The following FSTL5 variants were observed in gnomAD, a reference collection of about 807,000 sequenced individuals.
FSTL5 encodes the protein follistatin like 5.
A neutral mutation model predicts 89.1 loss-of-function variants in FSTL5; 62 were observed. That is an observed-to-expected ratio of 0.70 (90% CI 0.57 to 0.86). FSTL5 has a LOEUF of 0.86. Ranked by LOEUF, FSTL5 falls within the 40% of genes least tolerant of loss-of-function variation. The pLI, the probability that FSTL5 is intolerant of heterozygous loss-of-function variation, is 0.00. For synonymous variants in FSTL5, 383 were observed against 346.2 expected, an observed-to-expected ratio of 1.11 and a Z score of -1.18; for missense variants, 1,057 against 1,001.6, an observed-to-expected ratio of 1.06 and a Z score of -0.75.
At chr4:161,756,449 T>A (rs1275672007) in intron 6 of FSTL5, among the ~76,000 whole-genome samples, 1 of 152,138 alleles carries the variant, frequency 6.6e-6, no homozygotes, top group East Asian at 1.9e-4. Flanking sequence ...CATACTACTT[T>A]CTAATAGTTA....
intron 2 of FSTL5, among the ~76,000 whole-genome samples, chr4:162,098,121 C>A (rs529737870): frequency 6.6e-6 from 1 of 151,818 alleles, no homozygotes; most frequent in African/African-American, 2.4e-5. Flanking sequence ...GGGTAGTATT[C>A]CTCTAACTAG....
intron 5 of FSTL5, among the ~76,000 whole-genome samples, chr4:161,762,823 T>C (rs1349098876): frequency 6.6e-6 from 1 of 152,210 alleles, no homozygotes; most frequent in Non-Finnish European, 1.5e-5. Flanking sequence ...TTTTTTTCAC[T>C]GATCAGAAGT....
intron 6 of FSTL5, among the ~76,000 whole-genome samples, chr4:161,680,376 C>T (rs993182327): frequency 5.3e-5 from 8 of 151,882 alleles, no homozygotes; most frequent in African/African-American, 1.4e-4. Context: ...TATGCATTTC[C>T]TCACTCCTAC....
rs562149938 is a variant in FSTL5, at chr4:161,798,849, C to G, written c.410-22775G>C. Among the ~76,000 whole-genome samples the G allele has an allele frequency of 7.3e-5, 11 of 151,514 alleles. No homozygotes were observed. The South Asian group carries it at 2.3e-3, about 31-fold the overall frequency. On this transcript the variant is annotated intron_variant, in intron 4 of 15. Transcript: ENST00000306100. ...TAATCTGTTTTAATAAAGAAAAAAACCCTAAAACATTAGAATTTCTAAACT... is the reference window on the plus strand; with the variant it reads ...TAATCTGTTTTAATAAAGAAAAAAAGCCTAAAACATTAGAATTTCTAAACT...
At position 161,987,485 on chromosome 4, in the gene FSTL5, T is replaced by TATAC. The variant is rs984214889; in HGVS notation, c.160+46139_160+46140insGTAT. ...ATATATATATGTATATATATATATA[T>TATAC]ACATACATATATAAAAAATAAATTT... On this transcript the variant is annotated intron_variant, in intron 3 of 15. Coordinates refer to ENST00000306100, the MANE Select transcript of FSTL5 (RefSeq NM_020116.5). 2.2e-4 allele frequency among the ~76,000 whole-genome samples: 32 copies of TATAC among 143,596 alleles called. 1 individual carries two copies. The highest frequency in any genetic ancestry group is 8.5e-4 in the African/African-American group (32 of 37,766). 94.2% of individuals were successfully genotyped at this position (143,596 alleles called of 152,430 possible).
chr4:161,980,071 GAGAA>G (rs1044810076), intron 3 of FSTL5, among the ~76,000 whole-genome samples: 10 of 135,144 alleles, frequency 7.4e-5, no homozygotes, highest in South Asian at 2.3e-4. Flanking sequence ...AAGAGAAAGA[GAGAA>G]AGAAAGAAAG....
chr4:161,519,881 T>C (rs1730966328), intron 10 of FSTL5, among the ~76,000 whole-genome samples: 1 of 152,136 alleles, frequency 6.6e-6, no homozygotes, highest in Non-Finnish European at 1.5e-5. Context: ...TTAGAAAATA[T>C]ACCATAGGGA....
chr4:161,557,499 A>T (rs1732432860), intron 8 of FSTL5, among the ~76,000 whole-genome samples: 1 of 151,690 alleles, frequency 6.6e-6, no homozygotes, highest in Non-Finnish European at 1.5e-5. Flanking sequence ...ATTTTGGGAG[A>T]ATAAATTGCT....
At chr4:162,156,423 C>T (rs1046066489) in intron 1 of FSTL5, among the ~76,000 whole-genome samples, 2 of 152,092 alleles carry the variant, frequency 1.3e-5, no homozygotes, top group Non-Finnish European at 2.9e-5. Context: ...AATCATTCTA[C>T]AAAAAACATA....
chr4:161,784,917 A>AACAC (rs1741841225), intron 4 of FSTL5, among the ~76,000 whole-genome samples: 1 of 141,130 alleles, frequency 7.1e-6, no homozygotes, highest in Non-Finnish European at 1.5e-5. Context: ...CAAACAAACA[A>AACAC]AAAAAAGAAG....
chr4:161,951,725 T>G lies in FSTL5; in HGVS notation c.161-31073A>C, dbSNP rs1269460056. On this transcript the variant is annotated intron_variant, in intron 3 of 15. Coordinates refer to ENST00000306100, the MANE Select transcript of FSTL5 (RefSeq NM_020116.5). ...AAATTTTAAATGTCAAATATCACAATGTATTAAGATCTATTACTTTTGACT... is the reference window on the plus strand; with the variant it reads ...AAATTTTAAATGTCAAATATCACAAGGTATTAAGATCTATTACTTTTGACT... 7.7e-4 allele frequency among the ~76,000 whole-genome samples: 117 copies of G among 152,076 alleles called. 2 individuals are homozygous for G. Among genetic ancestry groups the G allele is most frequent in the Non-Finnish European group, 5.9e-5 (4 of 67,978 alleles).
chr4:161,764,346 C>A (rs988122875), intron 5 of FSTL5, among the ~76,000 whole-genome samples: 1 of 152,146 alleles, frequency 6.6e-6, no homozygotes, highest in Non-Finnish European at 1.5e-5. Context: ...GCAACCTTTG[C>A]CTCCTGGGTT....
At chr4:161,446,519 T>C (rs576858141) in intron 15 of FSTL5, among the ~76,000 whole-genome samples, 1 of 152,130 alleles carries the variant, frequency 6.6e-6, no homozygotes, top group African/African-American at 2.4e-5. Flanking sequence ...ATAAAATATA[T>C]AATGTGCCCT....
chr4:161,752,286 A>G (rs1740424968), intron 6 of FSTL5, among the ~76,000 whole-genome samples: 1 of 151,584 alleles, frequency 6.6e-6, no homozygotes, highest in East Asian at 1.9e-4. Flanking sequence ...GAATGTTTCC[A>G]GCACCATAGA....
At chr4:161,468,244 A>AT (rs35455811) in intron 13 of FSTL5, among the ~76,000 whole-genome samples, 4,015 of 143,198 alleles carry the variant, frequency 0.028, 81 homozygotes, top group Non-Finnish European at 0.04. Flanking sequence ...AAGTGCCTAC[A>AT]TTTTTTTTTT....
At chr4:162,064,481 G>A (rs1381476933) in intron 2 of FSTL5, among the ~76,000 whole-genome samples, 4 of 151,930 alleles carry the variant, frequency 2.6e-5, no homozygotes, top group Non-Finnish European at 4.4e-5. Context: ...TTGAAGACAT[G>A]AATGGAAGAA....
chr4:161,956,962 A>C (rs1735042633), intron 3 of FSTL5, among the ~76,000 whole-genome samples: 1 of 152,028 alleles, frequency 6.6e-6, no homozygotes, highest in Non-Finnish European at 1.5e-5. Context: ...ACCTATTGAA[A>C]GAAAAAATAG....
At chr4:161,912,042 A>C (rs956478274) in intron 4 of FSTL5, among the ~76,000 whole-genome samples, 1 of 152,208 alleles carries the variant, frequency 6.6e-6, no homozygotes, top group Non-Finnish European at 1.5e-5. Context: ...AATATAAATC[A>C]GACTAATAGA....
intron 3 of FSTL5, among the ~76,000 whole-genome samples, chr4:162,009,980 A>T (rs1578943801): frequency 1.2e-5 from 1 of 80,974 alleles, no homozygotes. Flanking sequence ...TTTGTTTTGT[A>T]AAAAAAAAAA....
Sources: gnomAD v4.1 joint callset for allele counts (sites outside exome capture counted in the v4.1 genomes callset) on GRCh38, gnomAD v4.1.1 for gene constraint, MANE v1.5 for transcripts, NCBI Gene and HGNC (gene_info 2026-07-23, HGNC 2026-07-21) for gene names.